COL21A1: variants seen among roughly 807,000 people sequenced by gnomAD.
COL21A1 encodes collagen type XXI alpha 1 chain.
In COL21A1, 149 loss-of-function variants were observed where a neutral mutation model predicts 137.9. The observed-to-expected ratio is 1.08, with a 90% CI of 0.95 to 1.24. The LOEUF (loss-of-function observed/expected upper bound fraction) is 1.24, where lower values mean the gene tolerates loss of function less well. Ranked by LOEUF, COL21A1 falls within the 50% of genes most tolerant of loss-of-function variation. The pLI, the probability that COL21A1 is intolerant of heterozygous loss-of-function variation, is 0.00. For synonymous variants in COL21A1, 456 were observed against 391.5 expected, an observed-to-expected ratio of 1.16 and a Z score of -1.95; for missense variants, 1,167 against 1,158.4, an observed-to-expected ratio of 1.01 and a Z score of -0.11.
chr6:56,304,046 A>G (rs1192483155), intron 1 of COL21A1, among the ~76,000 whole-genome samples: 2 of 152,052 alleles, frequency 1.3e-5, no homozygotes, highest in Admixed American at 6.6e-5. Context: ...ATTGATTTGC[A>G]TATGTTGAAC....
At chr6:56,058,259 G>C (rs1228763638) in intron 29 of COL21A1, among the ~76,000 whole-genome samples, 2 of 152,006 alleles carry the variant, frequency 1.3e-5, no homozygotes, top group Non-Finnish European at 2.9e-5. Context: ...ACAAAAAACT[G>C]TTTCTATTAT....
chr6:56,159,193 A>AT (rs1360520643), intron 9 of COL21A1, among the ~76,000 whole-genome samples: 1 of 151,740 alleles, frequency 6.6e-6, no homozygotes, highest in Non-Finnish European at 1.5e-5. Flanking sequence ...TTCTTACTCC[A>AT]TTTTTTCCTG....
chr6:56,331,591 T>C (rs1463892038), intron 1 of COL21A1, among the ~76,000 whole-genome samples: 1 of 152,112 alleles, frequency 6.6e-6, no homozygotes. Context: ...TGGTTGTATG[T>C]ATGTGGCTTT....
rs1315208667 is a variant in COL21A1, at chr6:56,378,860, C to G, written c.-39+15111G>C. 2.0e-5 allele frequency among the ~76,000 whole-genome samples: 3 copies of G among 152,182 alleles called. No individual in the cohort carries two copies. In the East Asian group the frequency reaches 5.8e-4, roughly 29 times the overall value. ...AGTGCTTGTGTCACTCCACCCCCAG[C>G]TTCAGGTGGCTCAGAACACAGAAAG... On this transcript the variant is annotated intron_variant, in intron 1 of 28. Coordinates refer to the COL21A1 transcript ENST00000370819.
At chr6:56,263,322 T>C (rs1219415915) in intron 1 of COL21A1, among the ~76,000 whole-genome samples, 1 of 152,180 alleles carries the variant, frequency 6.6e-6, no homozygotes, top group African/African-American at 2.4e-5. Context: ...ACATCAGAAG[T>C]AACATATAAG....
At chr6:56,243,890 C>T (rs1200025609) in intron 1 of COL21A1, among the ~76,000 whole-genome samples, 2 of 152,112 alleles carry the variant, frequency 1.3e-5, no homozygotes, top group South Asian at 2.1e-4. Flanking sequence ...GACTGGACCA[C>T]GTACCAGAAA....
intron 1 of COL21A1, among the ~76,000 whole-genome samples, chr6:56,293,183 C>T (rs1764091894): frequency 6.6e-6 from 1 of 152,148 alleles, no homozygotes; most frequent in African/African-American, 2.4e-5. Flanking sequence ...TATTAATTCT[C>T]TTTCAACTTT....
At chr6:56,253,802 C>A (rs1179015613) in intron 1 of COL21A1, among the ~76,000 whole-genome samples, 1 of 152,162 alleles carries the variant, frequency 6.6e-6, no homozygotes, top group Non-Finnish European at 1.5e-5. Flanking sequence ...AATATAAATG[C>A]TTAAAAGAGC....
rs116705774 is a variant in COL21A1 at position 56,273,737 on chromosome 6, C to T, written c.-38-91081G>A. Among the ~76,000 whole-genome samples, 1,280 of 151,992 alleles carry T rather than the reference C, an allele frequency of 8.4e-3. 17 individuals are homozygous for T. The highest frequency in any genetic ancestry group is 0.029 in the African/African-American group (1,197 of 41,496). ...CAAAATTGAATTAGTAATAATAAACCAAAAACAATCCTGGCCCAGATAGAT... is the reference window on the plus strand; with the variant it reads ...CAAAATTGAATTAGTAATAATAAACTAAAAACAATCCTGGCCCAGATAGAT... On this transcript the variant is annotated intron_variant, in intron 1 of 28. Transcript: ENST00000370819.
chr6:56,343,226 T>C (rs1285643655), intron 1 of COL21A1, among the ~76,000 whole-genome samples: 2 of 152,094 alleles, frequency 1.3e-5, no homozygotes, highest in Non-Finnish European at 2.9e-5. Flanking sequence ...ACTAAATGTC[T>C]GTATCTGGTC....
intron 16 of COL21A1, among the ~76,000 whole-genome samples, chr6:56,117,271 C>G (rs1008904106): frequency 1.3e-5 from 2 of 151,920 alleles, no homozygotes; most frequent in South Asian, 4.2e-4. Context: ...TCCATGCCAA[C>G]AGAAACCAAA....
chr6:56,181,863 T>C (rs530297593), intron 2 of COL21A1, among the ~76,000 whole-genome samples: 4 of 152,284 alleles, frequency 2.6e-5, no homozygotes, highest in Admixed American at 2.6e-4. Context: ...GGCATCCACA[T>C]TATACAGTGA....
At position 56,098,743 on chromosome 6, in the gene COL21A1, T is replaced by C. The variant is rs80291057; in HGVS notation, c.1812+2729A>G. 4.7e-3 allele frequency among the ~76,000 whole-genome samples: 535 copies of C among 113,452 alleles called. 12 individuals are homozygous for C. The highest frequency in any genetic ancestry group is 0.016 in the African/African-American group (500 of 30,828). The allele number at this position is 113,452 out of a possible 152,430, so 74.4% of individuals were successfully genotyped here. The stretch of plus-strand genomic sequence containing the variant: ...AATATATATATATTTTGAGACGGGG[T>C]CTTGCTCTGTCGCCCAGGCTGGAGT... On this transcript the variant is annotated intron_variant, in intron 17 of 29. Transcript: ENST00000244728.
chr6:56,324,933 A>G (rs957437593), intron 1 of COL21A1, among the ~76,000 whole-genome samples: 2 of 151,888 alleles, frequency 1.3e-5, no homozygotes, highest in African/African-American at 2.4e-5. Flanking sequence ...GCCTTCCTAT[A>G]TACACAGTAC....
chr6:56,302,160 G>A (rs1025008706), intron 1 of COL21A1, among the ~76,000 whole-genome samples: 1 of 151,622 alleles, frequency 6.6e-6, no homozygotes, highest in African/African-American at 2.4e-5. Flanking sequence ...CCAAGTCTTT[G>A]CTATTGTGAA....
rs981112259 is a variant in COL21A1 at position 56,150,505 on chromosome 6, G to A, written c.1434+6382C>T. On this transcript the variant is annotated intron_variant, in intron 10 of 29. Transcript: ENST00000244728. The stretch of plus-strand genomic sequence containing the variant: ...TGCGCTCCAGCCTGGGCGACAGAGC[G>A]AGACTCCATCACACACACACACACA... 5.2e-4 allele frequency among the ~76,000 whole-genome samples: 73 copies of A among 140,472 alleles called. 1 individual carries two copies. In the Middle Eastern group the frequency reaches 0.011, roughly 21 times the overall value. 92.2% of individuals were successfully genotyped at this position (140,472 alleles called of 152,430 possible).
chr6:56,201,175 T>C (rs1448772710), intron 1 of COL21A1, among the ~76,000 whole-genome samples: 1 of 152,192 alleles, frequency 6.6e-6, no homozygotes, highest in African/African-American at 2.4e-5. Flanking sequence ...TGTAAATTTG[T>C]TGGAGTTCAT....
chr6:56,290,498 G>GTTTTTTTTT (rs371058894), intron 1 of COL21A1, among the ~76,000 whole-genome samples: 1,724 of 132,506 alleles, frequency 0.013, 124 homozygotes, highest in Non-Finnish European at 0.018. Context: ...TCACTTAGGA[G>GTTTTTTTTT]ATTTTTTTTT....
chr6:56,368,634 T>G (rs1159833192), intron 1 of COL21A1, among the ~76,000 whole-genome samples: 4 of 152,198 alleles, frequency 2.6e-5, no homozygotes, highest in Non-Finnish European at 5.9e-5. Context: ...CCCTTAAAAT[T>G]CACTTACATT....
Sources: allele counts gnomAD v4.1 joint callset (sites outside exome capture counted in the v4.1 genomes callset), GRCh38; gene constraint gnomAD v4.1.1; transcripts MANE v1.5; gene names NCBI Gene and HGNC (gene_info 2026-07-23, HGNC 2026-07-21).